SASH1: variants seen among roughly 807,000 people sequenced by gnomAD.
The protein encoded by SASH1 is SAM and SH3 domain-containing protein 1.
A neutral mutation model predicts 125.2 loss-of-function variants in SASH1; 44 were observed. That is an observed-to-expected ratio of 0.35 (90% confidence interval 0.28 to 0.45). SASH1 has a LOEUF of 0.45. Among genes scored for constraint, SASH1 ranks in the 20% least tolerant of loss-of-function variants. SASH1 has a pLI of 1.00. For synonymous variants in SASH1, 639 were observed against 649.1 expected, an observed-to-expected ratio of 0.98 and a Z score of 0.24; for missense variants, 1,426 against 1,614.5, an observed-to-expected ratio of 0.88 and a Z score of 2.00.
the SASH1 span, among the ~76,000 whole-genome samples, chr6:148,196,389 C>A: frequency 6.6e-6 from 1 of 152,204 alleles, no homozygotes; most frequent in South Asian, 2.1e-4. Context: ...TTCAACCTAG[C>A]ACAGCTTCAA....
chr6:148,312,602 T>C (rs574804331), intron 1 of SASH1, among the ~76,000 whole-genome samples: 1 of 152,328 alleles, frequency 6.6e-6, no homozygotes, highest in African/African-American at 2.4e-5. Flanking sequence ...TAGACAAGCT[T>C]CTTAACCTTT....
At chr6:148,509,498 GC>G (rs1490785790) in intron 8 of SASH1, among the ~76,000 whole-genome samples, 1 of 152,218 alleles carries the variant, frequency 6.6e-6, no homozygotes, top group Non-Finnish European at 1.5e-5. Flanking sequence ...AAGTGCTTCT[GC>G]AGAGGGCACA....
intron 1 of SASH1, among the ~76,000 whole-genome samples, chr6:148,302,675 ACACAC>A (rs1779999733): frequency 1.5e-5 from 1 of 68,656 alleles, no homozygotes. Context: ...ACACACACAC[ACACAC>A]GGAGAAATAT....
chr6:148,548,430 C>A lies in SASH1; in HGVS notation c.3616C>A (p.Leu1206Met), dbSNP rs201362781. 1 of 1,614,260 alleles carries A rather than the reference C, an allele frequency of 6.2e-7. No homozygotes were observed. Among genetic ancestry groups the A allele is most frequent in the Non-Finnish European group, 8.5e-7 (1 of 1,180,048 alleles). Reference protein sequence around the residue: ...GTLSTAGFSTLSQVPSLSHTC... With the variant: ...GTLSTAGFSTMSQVPSLSHTC... ...CCTCTCCACCGCGGGCTTCAGCACACTGAGCCAAGTGCCTTCTCTGTCTCA... is the reference window on the plus strand; with the variant it reads ...CCTCTCCACCGCGGGCTTCAGCACAATGAGCCAAGTGCCTTCTCTGTCTCA... The change falls in exon 20 of 20, where the codon CTG becomes ATG. Residue 1206 changes from leucine (L) to methionine (M), a missense_variant. Transcript: ENST00000367467.
At chr6:148,536,376 G>A (rs1441652358) in intron 16 of SASH1, among the ~76,000 whole-genome samples, 1 of 152,146 alleles carries the variant, frequency 6.6e-6, no homozygotes, top group Non-Finnish European at 1.5e-5. Flanking sequence ...TTTCACTCTC[G>A]TTGCCCAAGC....
At position 148,544,045 on chromosome 6, in the gene SASH1, G is replaced by A. The variant is rs761359729; in HGVS notation, c.2575G>A (p.Glu859Lys). ...AEQDVPTEVT[E>K]PPPQIVPEVP... ...GCAAGACGTGCCTACCGAGGTGACA[G>A]AACCGCCCCCTCAGATTGTACCTGA... is the stretch of plus-strand genomic sequence containing the variant. The change falls in exon 18 of 20, where the codon GAA becomes AAA. Residue 859 changes from glutamate to lysine, a missense_variant. Coordinates refer to ENST00000367467, the MANE Select transcript of SASH1 (RefSeq NM_015278.5). The surrounding 1 kb of genome is among the most constrained non-coding windows in gnomAD (Gnocchi z 6.4). 4.3e-6 allele frequency: 7 copies of A among 1,613,986 alleles called. No individual in the cohort carries two copies. In the Admixed American group the frequency reaches 8.3e-5, roughly 19 times the overall value.
the SASH1 span, among the ~76,000 whole-genome samples, chr6:148,222,067 ACTT>A: frequency 6.6e-6 from 1 of 152,158 alleles, no homozygotes; most frequent in Non-Finnish European, 1.5e-5. Context: ...AGCAAGGTGA[ACTT>A]CTTCTCCCCT....
intron 1 of SASH1, among the ~76,000 whole-genome samples, chr6:148,318,608 A>G (rs2114565326): frequency 7.1e-6 from 1 of 141,808 alleles, no homozygotes; most frequent in African/African-American, 2.5e-5. Flanking sequence ...GCTGGAGTGC[A>G]ATGGCATGAT....
intron 1 of SASH1, among the ~76,000 whole-genome samples, chr6:148,331,067 T>A (rs1780983303): frequency 6.6e-6 from 1 of 152,176 alleles, no homozygotes; most frequent in South Asian, 2.1e-4. Context: ...AACTCAATGG[T>A]GAGTTGAAGT....
chr6:148,464,417 A>G (rs1296800539), intron 4 of SASH1, among the ~76,000 whole-genome samples: 1 of 152,162 alleles, frequency 6.6e-6, no homozygotes, highest in East Asian at 1.9e-4. Context: ...CATACTTTTT[A>G]CCCATTGACA....
chr6:148,319,957 T>A (rs1324465638), intron 1 of SASH1, among the ~76,000 whole-genome samples: 1 of 152,240 alleles, frequency 6.6e-6, no homozygotes, highest in Non-Finnish European at 1.5e-5. Flanking sequence ...AGTAGCTGAC[T>A]CAGTTATCAG....
intron 16 of SASH1, among the ~76,000 whole-genome samples, chr6:148,538,004 G>C (rs1018708169): frequency 1.2e-4 from 18 of 152,136 alleles, no homozygotes; most frequent in African/African-American, 3.9e-4. Context: ...TTGTACCTTG[G>C]CACCCACGCT....
rs78692050 is a variant in SASH1 at position 148,536,208 on chromosome 6, G to A, written c.2095+1307G>A. On this transcript the variant is annotated intron_variant, in intron 16 of 19. Coordinates refer to ENST00000367467, the MANE Select transcript of SASH1 (RefSeq NM_015278.5). ...GTAAAGAGCCTGCACGGTAACTGGT[G>A]TAGCCTACCAGCTCAATTAGTATGA... Among the ~76,000 whole-genome samples the A allele has an allele frequency of 8.6e-3, 1,303 of 152,304 alleles. 26 individuals carry two copies. The highest frequency in any genetic ancestry group is 0.03 in the African/African-American group (1,229 of 41,562).
intron 2 of SASH1, among the ~76,000 whole-genome samples, chr6:148,415,417 A>G (rs1228948152): frequency 1.3e-5 from 2 of 152,214 alleles, no homozygotes; most frequent in African/African-American, 2.4e-5. Flanking sequence ...GTTATGTCAC[A>G]CATCTGGGGT....
At chr6:148,447,683 TC>T in intron 4 of SASH1, among the ~76,000 whole-genome samples, 1 of 105,378 alleles carries the variant, frequency 9.5e-6, no homozygotes, top group African/African-American at 3.9e-5. Flanking sequence ...TTCCTCCTCT[TC>T]TTCTTCCTCT....
chr6:148,464,617 TG>T (rs1777754821), intron 4 of SASH1, among the ~76,000 whole-genome samples: 1 of 152,124 alleles, frequency 6.6e-6, no homozygotes, highest in Non-Finnish European at 1.5e-5. Flanking sequence ...CTTTTGGACT[TG>T]GGTTATATCA....
the SASH1 span, among the ~76,000 whole-genome samples, chr6:148,259,648 C>T: frequency 1.3e-5 from 2 of 152,100 alleles, no homozygotes; most frequent in East Asian, 3.8e-4. Context: ...TAACTTAATA[C>T]GCTTTCATTC....
chr6:148,371,330 C>T (rs987379427), intron 1 of SASH1, among the ~76,000 whole-genome samples: 21 of 151,550 alleles, frequency 1.4e-4, no homozygotes, highest in African/African-American at 4.8e-4. Context: ...AATCTCAGCT[C>T]ACTGCAACCT....
At chr6:148,497,573 ATCT>A (rs1386177558) in intron 8 of SASH1, among the ~76,000 whole-genome samples, 1 of 152,168 alleles carries the variant, frequency 6.6e-6, no homozygotes, top group Non-Finnish European at 1.5e-5. Flanking sequence ...TGATGTGAAG[ATCT>A]TCTGCCCTTC....
Sources: gnomAD v4.1 joint callset for allele counts (sites outside exome capture counted in the v4.1 genomes callset) on GRCh38, gnomAD v4.1.1 for gene constraint, Gnocchi (gnomAD v3.1) non-coding constraint, MANE v1.5 for transcripts, NCBI Gene and HGNC (gene_info 2026-07-23, HGNC 2026-07-21) for gene names.